Variants in MSN observed in about 807,000 individuals in gnomAD.
The protein encoded by MSN is moesin.
MSN carries 2 observed loss-of-function variants against 48.0 expected under a neutral mutation model. That is an observed-to-expected ratio of 0.04 (90% confidence interval 0.02 to 0.13). MSN has a LOEUF of 0.13. Among genes scored for constraint, MSN ranks in the 10% least tolerant of loss-of-function variants. The probability of loss-of-function intolerance (pLI) is 1.00; values close to 1 mark genes in which losing one functional copy is unlikely to be tolerated. For missense variants in MSN, 267 were observed against 470.1 expected (o/e 0.57, Z 3.99); for synonymous variants, 146 against 166.9 (o/e 0.87, Z 0.97).
intron 1 of MSN, among the ~76,000 whole-genome samples, chrX:65,627,747 C>T (rs1245376936): frequency 9.0e-6 from 1 of 111,509 alleles, no homozygotes; most frequent in Non-Finnish European, 1.9e-5. Context: ...CAGCATTAAC[C>T]CAAAAGTCCA....
At chrX:65,697,026 A>G (rs954874956) in intron 1 of MSN, among the ~76,000 whole-genome samples, 2 of 111,231 alleles carry the variant, frequency 1.8e-5, no homozygotes, top group Non-Finnish European at 3.8e-5. Flanking sequence ...GTAAACAAAT[A>G]CACTTGCAGC....
Position 65,632,786 on chromosome X carries a change from A to G in MSN, c.-22+44174A>G, listed in dbSNP as rs16992560. On this transcript the variant is annotated intron_variant, in intron 1 of 3. Coordinates refer to the MSN transcript ENST00000609672. Reference sequence around the variant, plus strand: ...GTTAGCTATAATTATTACTACATAGATGGAGATGACATGGTCCCTGCCATC... The same window carrying G: ...GTTAGCTATAATTATTACTACATAGGTGGAGATGACATGGTCCCTGCCATC... Among the ~76,000 whole-genome samples, 236 of 112,069 alleles carry G rather than the reference A, an allele frequency of 2.1e-3. 3 individuals carry two copies. The highest frequency in any genetic ancestry group is 7.6e-3 in the African/African-American group (233 of 30,840).
chrX:65,709,147 A>AT (rs979382392), intron 1 of MSN, among the ~76,000 whole-genome samples: 1 of 111,373 alleles, frequency 9.0e-6, no homozygotes, highest in African/African-American at 3.3e-5. Flanking sequence ...GGATATACTG[A>AT]TTTTTTTTCC....
At chrX:65,709,852 C>T (rs970340317) in intron 1 of MSN, among the ~76,000 whole-genome samples, 2 of 111,771 alleles carry the variant, frequency 1.8e-5, no homozygotes, top group Non-Finnish European at 3.8e-5. Context: ...CCCTTAGTTT[C>T]CTTCCTGGGT....
At chrX:65,669,130 C>G (rs950445925) in intron 1 of MSN, among the ~76,000 whole-genome samples, 2 of 111,925 alleles carry the variant, frequency 1.8e-5, no homozygotes, top group Non-Finnish European at 3.8e-5. Context: ...TGTGCTTTCA[C>G]TGTCTATCTC....
intron 1 of MSN, chrX:65,624,503 C>A (rs967535672): frequency 2.8e-5 from 3 of 108,623 alleles, no homozygotes; most frequent in African/African-American, 1.0e-4. Context: ...TTTCTATTCT[C>A]CATTTTGTTT....
chrX:65,668,275 A>T (rs1045608991), intron 1 of MSN, among the ~76,000 whole-genome samples: 21 of 112,494 alleles, frequency 1.9e-4, no homozygotes, highest in Non-Finnish European at 3.8e-4. Flanking sequence ...GGACATGGGA[A>T]CAGAGAAGCA....
chrX:65,722,394 C>T (rs1402795703), intron 2 of MSN, among the ~76,000 whole-genome samples: 1 of 98,936 alleles, frequency 1.0e-5, no homozygotes, highest in Non-Finnish European at 2.0e-5. Context: ...CTCCTCTAGG[C>T]GTGCACGCTC....
intron 1 of MSN, among the ~76,000 whole-genome samples, chrX:65,680,155 T>C (rs1380805883): frequency 9.0e-6 from 1 of 111,421 alleles, no homozygotes; most frequent in African/African-American, 3.3e-5. Flanking sequence ...GGAAGAAGAG[T>C]GGTTCTTTTT....
At chrX:65,687,625 G>A (rs757929764) in intron 1 of MSN, among the ~76,000 whole-genome samples, 1 of 111,914 alleles carries the variant, frequency 8.9e-6, no homozygotes, top group South Asian at 3.7e-4. Flanking sequence ...CTGGAGCAAG[G>A]AAAGTGATAG....
intron 1 of MSN, among the ~76,000 whole-genome samples, chrX:65,685,911 A>G (rs2071110707): frequency 8.9e-6 from 1 of 112,330 alleles, no homozygotes; most frequent in Non-Finnish European, 1.9e-5. Context: ...ACAACCCCCC[A>G]CTGCTAAATT....
chrX:65,677,135 T>G (rs2071007801), intron 1 of MSN, among the ~76,000 whole-genome samples: 1 of 111,696 alleles, frequency 9.0e-6, no homozygotes, highest in South Asian at 3.7e-4. Flanking sequence ...GCTGATCCAT[T>G]TATTTTTTCA....
chrX:65,718,244 C>CCAAAAT, intron 2 of MSN, among the ~76,000 whole-genome samples: 1 of 109,908 alleles, frequency 9.1e-6, no homozygotes, highest in South Asian at 4.1e-4. Context: ...AATTATTGAA[C>CCAAAAT]TCTCTGGGTT....
intron 1 of MSN, among the ~76,000 whole-genome samples, chrX:65,703,026 C>T (rs995754249): frequency 4.5e-5 from 5 of 111,839 alleles, no homozygotes; most frequent in African/African-American, 1.6e-4. Flanking sequence ...AATGTAATCA[C>T]CTTTTAGTTT....
chrX:65,638,573 T>C (rs2070624242), intron 1 of MSN, among the ~76,000 whole-genome samples: 1 of 112,539 alleles, frequency 8.9e-6, no homozygotes, highest in African/African-American at 3.2e-5. Flanking sequence ...CTTTTTCTTT[T>C]GAGACAAAGT....
At chrX:65,592,977 G>A (rs2070159888) in intron 1 of MSN, among the ~76,000 whole-genome samples, 1 of 111,368 alleles carries the variant, frequency 9.0e-6, no homozygotes, top group African/African-American at 3.3e-5. Flanking sequence ...GGAGAAGGAG[G>A]TTGCAATGAG....
chrX:65,609,830 C>G (rs777569384), intron 1 of MSN, among the ~76,000 whole-genome samples: 161 of 110,421 alleles, frequency 1.5e-3, no homozygotes, highest in Non-Finnish European at 8.5e-4. Flanking sequence ...TTGCAATGAG[C>G]TGAGATCACA....
Position 65,592,192 on chromosome X carries a change from C to CTT in MSN, c.-22+3603_-22+3604dup, listed in dbSNP as rs1176549178. ...TAACTGCATGATATCCTCTTCATCC[C>CTT]TTTTTTTTTTTTTTTTTTTTTTTTG... is the stretch of plus-strand genomic sequence containing the variant. On this transcript the variant is annotated intron_variant, in intron 1 of 3. Transcript: ENST00000609672. Among the ~76,000 whole-genome samples the CTT allele has an allele frequency of 2.4e-3, 185 of 76,887 alleles. 2 individuals carry two copies. Among genetic ancestry groups the CTT allele is most frequent in the African/African-American group, 6.2e-3 (122 of 19,527 alleles). 66.8% of individuals were successfully genotyped at this position (76,887 alleles called of 115,157 possible).
intron 1 of MSN, among the ~76,000 whole-genome samples, chrX:65,674,396 C>T (rs2070975266): frequency 9.0e-6 from 1 of 111,494 alleles, no homozygotes; most frequent in East Asian, 2.8e-4. Flanking sequence ...ATGACTCCAC[C>T]CAGAGAGCAC....
Sources: gnomAD v4.1 joint callset for allele counts (sites outside exome capture counted in the v4.1 genomes callset) on GRCh38, gnomAD v4.1.1 for gene constraint, MANE v1.5 for transcripts, NCBI Gene and HGNC (gene_info 2026-07-23, HGNC 2026-07-21) for gene names.